RBFOX1: variants seen among roughly 807,000 people sequenced by gnomAD.
The protein encoded by RBFOX1 is RNA binding protein fox-1 homolog 1.
Under a neutral mutation model 57.7 loss-of-function variants are expected in RBFOX1, and 8 were observed. The observed-to-expected ratio is 0.14, with a 90% CI of 0.08 to 0.25. The LOEUF is 0.25. Ranked by LOEUF, RBFOX1 falls within the 10% of genes least tolerant of loss-of-function variation. The probability of loss-of-function intolerance (pLI) is 1.00; values close to 1 mark genes in which losing one functional copy is unlikely to be tolerated. For missense variants in RBFOX1, 611 were observed against 548.5 expected, an observed-to-expected ratio of 1.11 and a Z score of -1.14; for synonymous variants, 326 against 222.4, an observed-to-expected ratio of 1.47 and a Z score of -4.15.
At chr16:5,867,550 G>C (rs1029094267) in intron 4 of RBFOX1, among the ~76,000 whole-genome samples, 5 of 152,082 alleles carry the variant, frequency 3.3e-5, no homozygotes, top group African/African-American at 1.2e-4. Context: ...GGTAAAGATG[G>C]TGCAGGGTGA....
intron 4 of RBFOX1, among the ~76,000 whole-genome samples, chr16:7,243,396 C>G (rs2094152821): frequency 6.6e-6 from 1 of 152,040 alleles, no homozygotes. Context: ...AAAATTTATT[C>G]CAAAACAAAA....
At chr16:5,555,134 C>G (rs932111606) in intron 2 of RBFOX1, among the ~76,000 whole-genome samples, 2 of 152,120 alleles carry the variant, frequency 1.3e-5, no homozygotes, top group Non-Finnish European at 2.9e-5. Context: ...CAAGAGCCCC[C>G]CTTGCCTGCA....
At chr16:6,786,130 G>T (rs1300158101) in intron 3 of RBFOX1, among the ~76,000 whole-genome samples, 1 of 152,148 alleles carries the variant, frequency 6.6e-6, no homozygotes, top group Non-Finnish European at 1.5e-5. Flanking sequence ...GCATGACTTT[G>T]GGTCCCCCTA....
At chr16:7,208,294 C>T (rs1185928413) in intron 4 of RBFOX1, among the ~76,000 whole-genome samples, 2 of 152,132 alleles carry the variant, frequency 1.3e-5, no homozygotes, top group African/African-American at 4.8e-5. Context: ...TATTTGGAGA[C>T]AGTTTGTCTT....
At chr16:5,859,464 T>C (rs1012803567) in intron 3 of RBFOX1, among the ~76,000 whole-genome samples, 2 of 152,236 alleles carry the variant, frequency 1.3e-5, no homozygotes, top group African/African-American at 4.8e-5. Context: ...ACAGGTAAGG[T>C]AACTTTCCCA....
At chr16:5,787,559 C>A (rs575928383) in intron 3 of RBFOX1, among the ~76,000 whole-genome samples, 2 of 152,130 alleles carry the variant, frequency 1.3e-5, no homozygotes, top group Non-Finnish European at 2.9e-5. Context: ...GGATGGGATA[C>A]CCCACAGACA....
In RBFOX1 at chr16:7,125,360, G is replaced by C. The variant is rs180732391; in HGVS notation, c.27+73262G>C. Among the ~76,000 whole-genome samples the C allele has an allele frequency of 2.4e-3, 361 of 152,302 alleles. 5 individuals carry two copies. The highest frequency in any genetic ancestry group is 3.5e-4 in the Non-Finnish European group (24 of 68,018). On this transcript the variant is annotated intron_variant, in intron 4 of 15. Transcript: ENST00000550418. The stretch of plus-strand genomic sequence containing the variant: ...AGATACTACTTTTAGATCCTCAGCA[G>C]AGTGCCAGGCAAATCAATAGATGGT...
At position 5,887,559 on chromosome 16, in the gene RBFOX1, G is replaced by A. The variant is rs369338169; in HGVS notation, c.351+20224G>A. ...TGGGATTACAGGCACTCCCCAATGCGCCTGGATAATTTTTTTTTCTTTTAA... is the reference window on the plus strand; with the variant it reads ...TGGGATTACAGGCACTCCCCAATGCACCTGGATAATTTTTTTTTCTTTTAA... On this transcript the variant is annotated intron_variant, in intron 4 of 19. Coordinates refer to the RBFOX1 transcript ENST00000641259. Among the ~76,000 whole-genome samples, 101 of 152,110 alleles carry A rather than the reference G, an allele frequency of 6.6e-4. 1 individual carries two copies. The South Asian group carries it at 0.017, about 25-fold the overall frequency.
chr16:6,508,883 TAAA>T lies in RBFOX1; in HGVS notation c.-63-145719_-63-145717del, dbSNP rs2096183952. Among the ~76,000 whole-genome samples, 3 of 149,960 alleles carry T rather than the reference TAAA, an allele frequency of 2.0e-5. No individual in the cohort carries two copies. The East Asian group carries it at 5.8e-4, about 29-fold the overall frequency. ...ACGAATCATAACAAAAAAAAAAAAA[TAAA>T]GATTCTTAACACTGTTGTTATCATT... On this transcript the variant is annotated intron_variant, in intron 2 of 15. Transcript: ENST00000550418.
rs140539467 is a variant in RBFOX1, at chr16:7,683,944, C to A, written c.995+7106C>A. On this transcript the variant is annotated intron_variant, in intron 14 of 15. Coordinates refer to ENST00000550418, the MANE Select transcript of RBFOX1 (RefSeq NM_018723.4). ...GGATGTGGCAATAAAAATTAAACCGCTCCACTTTGTTACGTTGTTCTTTGT... is the reference window on the plus strand; with the variant it reads ...GGATGTGGCAATAAAAATTAAACCGATCCACTTTGTTACGTTGTTCTTTGT... Among the ~76,000 whole-genome samples, 548 of 152,208 alleles carry A rather than the reference C, an allele frequency of 3.6e-3. 3 individuals are homozygous for A. Among genetic ancestry groups the A allele is most frequent in the African/African-American group, 0.013 (530 of 41,548 alleles).
At chr16:5,786,123 G>A (rs562051762) in intron 3 of RBFOX1, among the ~76,000 whole-genome samples, 1 of 152,272 alleles carries the variant, frequency 6.6e-6, no homozygotes, top group African/African-American at 2.4e-5. Flanking sequence ...TGGTGATTCA[G>A]ACTTTGCTTA....
chr16:5,654,791 C>T (rs62014430), intron 3 of RBFOX1, among the ~76,000 whole-genome samples: 2 of 147,062 alleles, frequency 1.4e-5, no homozygotes, highest in East Asian at 3.9e-4. Context: ...TCCTTCTTTC[C>T]TCTCTCTCTC....
rs1200144121 is a variant in RBFOX1, at chr16:7,504,771, TTATATATATATATA to T, written c.28-13374_28-13361del. 1.1e-3 allele frequency among the ~76,000 whole-genome samples: 55 copies of T among 49,834 alleles called. 2 individuals carry two copies. The highest frequency in any genetic ancestry group is 1.3e-3 in the Non-Finnish European group (42 of 33,176). 32.7% of individuals were successfully genotyped at this position (49,834 alleles called of 152,430 possible). A position where few individuals can be genotyped will look rare whatever the true frequency, so the allele number is the denominator to read the frequency against. On this transcript the variant is annotated intron_variant, in intron 4 of 15. Transcript: ENST00000550418. ...TATATATATTTATATATATATATAT[TTATATATATATATA>T]TTTATATATATATATATTTATATAT...
At chr16:7,655,912 C>T (rs1352314679) in intron 12 of RBFOX1, among the ~76,000 whole-genome samples, 2 of 152,230 alleles carry the variant, frequency 1.3e-5, no homozygotes, top group African/African-American at 2.4e-5. Flanking sequence ...TTATAATGAA[C>T]ATGCTCTTTG....
chr16:6,736,584 C>T (rs148024768), intron 3 of RBFOX1, among the ~76,000 whole-genome samples: 6 of 152,266 alleles, frequency 3.9e-5, no homozygotes, highest in East Asian at 1.9e-4. Flanking sequence ...ATTGGTTCCA[C>T]GATTTTGCAG....
rs1313651543 is a variant in RBFOX1 at position 5,856,239 on chromosome 16, GTGTATATATA to G, written c.319-11042_319-11033del. On this transcript the variant is annotated intron_variant, in intron 3 of 19. Transcript: ENST00000641259. ...TATGTATATATATATGTATATATATGTGTATATATATGTATATATATGTATATATATATAC... is the reference window on the plus strand; with the variant it reads ...TATGTATATATATATGTATATATATGTGTATATATATGTATATATATATAC... Among the ~76,000 whole-genome samples, 35 of 23,808 alleles carry G rather than the reference GTGTATATATA, an allele frequency of 1.5e-3. 1 individual carries two copies. The highest frequency in any genetic ancestry group is 2.6e-3 in the South Asian group (2 of 756). 15.6% of individuals were successfully genotyped at this position (23,808 alleles called of 152,430 possible).
At chr16:6,510,828 G>C (rs1317132298) in intron 2 of RBFOX1, among the ~76,000 whole-genome samples, 1 of 151,326 alleles carries the variant, frequency 6.6e-6, no homozygotes, top group Non-Finnish European at 1.5e-5. Context: ...TTGTTAAGTA[G>C]TGTTGCACCC....
At position 7,004,312 on chromosome 16, in the gene RBFOX1, A is replaced by G. The variant is rs183775718; in HGVS notation, c.-15-47745A>G. 3.3e-5 allele frequency among the ~76,000 whole-genome samples: 5 copies of G among 152,268 alleles called. No homozygotes were observed. In the East Asian group the frequency reaches 9.7e-4, roughly 29 times the overall value. On this transcript the variant is annotated intron_variant, in intron 3 of 15. Coordinates refer to ENST00000550418, the MANE Select transcript of RBFOX1 (RefSeq NM_018723.4). The stretch of plus-strand genomic sequence containing the variant: ...TTAAATTAACTCCATTCGGATACCT[A>G]AGGTTATATTTGTGTATTAAACTCC...
intron 1 of RBFOX1, among the ~76,000 whole-genome samples, chr16:6,063,617 C>T (rs758751896): frequency 3.9e-5 from 6 of 152,080 alleles, no homozygotes; most frequent in Non-Finnish European, 5.9e-5. Context: ...TCAAGACGAT[C>T]GTTTACTCTA....
Sources: gnomAD v4.1 joint callset for allele counts (sites outside exome capture counted in the v4.1 genomes callset) on GRCh38, gnomAD v4.1.1 for gene constraint, MANE v1.5 for transcripts, NCBI Gene and HGNC (gene_info 2026-07-23, HGNC 2026-07-21) for gene names.